The following THUMPD2 variants were observed in gnomAD, a reference collection of about 807,000 sequenced individuals.
THUMPD2 encodes U6 snRNA (guanine-N(2))-methyltransferase THUMPD2.
Under a neutral mutation model 49.4 loss-of-function variants are expected in THUMPD2, and 56 were observed. The observed-to-expected ratio is 1.13, with a 90% CI of 0.91 to 1.41. THUMPD2 has a LOEUF of 1.41. THUMPD2 is among the 40% of genes most tolerant of loss of function. THUMPD2 has a pLI of 0.00. For synonymous variants in THUMPD2, 237 were observed against 205.2 expected (o/e 1.15, Z -1.32); for missense variants, 709 against 594.5 (o/e 1.19, Z -2.00).
At chr2:39,766,017 A>G (rs779706991) in intron 5 of THUMPD2, 40 bp downstream of exon 5, 3 of 1,501,410 alleles carry the variant, frequency 2.0e-6, no homozygotes, top group Non-Finnish European at 1.8e-6. Context: ...TAATTTAACC[A>G]TCTGTCTTAT....
intron 5 of THUMPD2, among the ~76,000 whole-genome samples, chr2:39,763,431 T>C (rs929187651): frequency 6.6e-6 from 1 of 152,186 alleles, no homozygotes; most frequent in Non-Finnish European, 1.5e-5. Context: ...CTCTTCAGTC[T>C]ACACTTGTCA....
At chr2:39,742,297 A>G (rs1673995151) in intron 9 of THUMPD2, among the ~76,000 whole-genome samples, 1 of 152,168 alleles carries the variant, frequency 6.6e-6, no homozygotes, top group Non-Finnish European at 1.5e-5. Context: ...TACACTTTAA[A>G]CTGGTCCCAC....
At chr2:39,774,516 T>G (rs571460740) in intron 1 of THUMPD2, among the ~76,000 whole-genome samples, 1 of 152,180 alleles carries the variant, frequency 6.6e-6, no homozygotes, top group Non-Finnish European at 1.5e-5. Flanking sequence ...GAGGACTTAC[T>G]GTAGTTTAAT....
chr2:39,757,809 TA>T (rs1676337038), intron 6 of THUMPD2, among the ~76,000 whole-genome samples: 3 of 152,236 alleles, frequency 2.0e-5, no homozygotes, highest in Admixed American at 1.3e-4. Flanking sequence ...ATCCCATTTT[TA>T]AATTTCATTT....
Position 39,736,516 on chromosome 2 carries a change from A to C in THUMPD2, c.*219T>G. On this transcript the variant is annotated 3_prime_UTR_variant, in exon 10 of 10. Transcript: ENST00000505747. ...TGACAGAAGATAAAACTTAAGTCTA[A>C]AAAATATTCGATAACTTTTTTCTCA... 2 of 420,816 alleles carry C rather than the reference A, an allele frequency of 4.8e-6. No homozygotes were observed. Among genetic ancestry groups the C allele is most frequent in the Non-Finnish European group, 8.4e-6 (2 of 239,466 alleles). 26.1% of individuals were successfully genotyped at this position (420,816 alleles called of 1,614,324 possible).
Position 39,772,884 on chromosome 2 carries a change from C to T in THUMPD2, c.127-1244G>A, listed in dbSNP as rs192139764. 2.6e-5 allele frequency among the ~76,000 whole-genome samples: 4 copies of T among 152,240 alleles called. No homozygotes were observed. In the East Asian group the frequency reaches 7.7e-4, roughly 29 times the overall value. On this transcript the variant is annotated intron_variant, in intron 1 of 9. Coordinates refer to ENST00000505747, the MANE Select transcript of THUMPD2 (RefSeq NM_025264.5). ...GGATCTGTCAAGATCTAATTAAGCTCTTGGAATGGTAATTTCTGGGGTTGC... is the reference window on the plus strand; with the variant it reads ...GGATCTGTCAAGATCTAATTAAGCTTTTGGAATGGTAATTTCTGGGGTTGC...
At position 39,779,155 on chromosome 2, in the gene THUMPD2, A is replaced by G. The variant is rs1487535761; in HGVS notation, c.85T>C (p.Phe29Leu). Residue 29 changes from phenylalanine (F) to leucine (L), a missense_variant, in exon 1 of 10, where the codon TTC becomes CTC. By Grantham distance (22) the Phe-to-Leu change is conservative (BLOSUM62 0). Coordinates refer to ENST00000505747, the MANE Select transcript of THUMPD2 (RefSeq NM_025264.5). Reference protein sequence around the residue: ...FCTAGRGLEPFVMREVRARLA... With the variant: ...FCTAGRGLEPLVMREVRARLA... ...CGCGCCCGCACCTCTCGCATTACGA[A>G]CGGCTCCAGGCCGCGACCCGCAGTG... 3.3e-6 allele frequency: 5 copies of G among 1,519,396 alleles called. No individual in the cohort carries two copies. The highest frequency in any genetic ancestry group is 1.2e-5 in the South Asian group (1 of 81,580). 94.1% of individuals were successfully genotyped at this position (1,519,396 alleles called of 1,614,324 possible).
rs142656149 is a variant in THUMPD2 at position 39,753,411 on chromosome 2, T to C, written c.1078+1884A>G. Among the ~76,000 whole-genome samples, 858 of 152,252 alleles carry C rather than the reference T, an allele frequency of 5.6e-3. 6 individuals carry two copies. Among genetic ancestry groups the C allele is most frequent in the African/African-American group, 0.02 (822 of 41,546 alleles). ...CTCACCTTCCAGAAGTCCAAGCATC[T>C]GAGTACTCCAAGGTTCAGTCCCCTT... On this transcript the variant is annotated intron_variant, in intron 8 of 9. Transcript: ENST00000505747.
chr2:39,765,319 C>A (rs1264015660), intron 5 of THUMPD2, among the ~76,000 whole-genome samples: 1 of 151,990 alleles, frequency 6.6e-6, no homozygotes, highest in Non-Finnish European at 1.5e-5. Context: ...GCTACCATAC[C>A]CAGTTAATTT....
chr2:39,738,557 C>T (rs990966893), intron 9 of THUMPD2, among the ~76,000 whole-genome samples: 1 of 149,172 alleles, frequency 6.7e-6, no homozygotes, highest in African/African-American at 2.5e-5. Flanking sequence ...GAGAGAGACC[C>T]TGTCTTTAAA....
At chr2:39,772,997 C>G (rs1242894110) in intron 1 of THUMPD2, among the ~76,000 whole-genome samples, 1 of 152,024 alleles carries the variant, frequency 6.6e-6, no homozygotes, top group Non-Finnish European at 1.5e-5. Context: ...AAAGCACTGA[C>G]CAAAATAGAT....
At chr2:39,742,032 A>G (rs1229605866) in intron 9 of THUMPD2, among the ~76,000 whole-genome samples, 1 of 152,214 alleles carries the variant, frequency 6.6e-6, no homozygotes, top group African/African-American at 2.4e-5. Context: ...GAACAATGCC[A>G]TTAAGTGGGT....
Position 39,779,222 on chromosome 2 carries a change from T to G in THUMPD2, c.18A>C (p.Gly6=). Residue 6 remains glycine, a synonymous_variant, in exon 1 of 10, where the codon GGA becomes GGC. Coordinates refer to ENST00000505747, the MANE Select transcript of THUMPD2 (RefSeq NM_025264.5). ...CAGCCTCAGGCCCGGACCCTGGCTC[T>G]CCACGCGCCTCCGACATGGCGGCTC... MSEAR[G]EPGSGPEAGA... is the part of the protein sequence containing the mutation. 11 of 1,498,332 alleles carry G rather than the reference T, an allele frequency of 7.3e-6. No individual in the cohort carries two copies. Among genetic ancestry groups the G allele is most frequent in the Non-Finnish European group, 9.7e-6 (11 of 1,130,142 alleles). 92.8% of individuals were successfully genotyped at this position (1,498,332 alleles called of 1,614,324 possible). A position where few individuals can be genotyped will look rare whatever the true frequency, so the allele number is the denominator to read the frequency against.
chr2:39,773,765 A>C (rs569941218), intron 1 of THUMPD2, among the ~76,000 whole-genome samples: 1 of 151,908 alleles, frequency 6.6e-6, no homozygotes, highest in African/African-American at 2.4e-5. Flanking sequence ...GTAAAATGCC[A>C]AATACATTCT....
chr2:39,759,924 A>C (rs564250718), intron 6 of THUMPD2, among the ~76,000 whole-genome samples: 1 of 152,236 alleles, frequency 6.6e-6, no homozygotes, highest in Non-Finnish European at 1.5e-5. Context: ...TACCCAAGCA[A>C]TAAGTAAACC....
chr2:39,739,947 C>G (rs1422280108), intron 9 of THUMPD2, among the ~76,000 whole-genome samples: 3 of 152,114 alleles, frequency 2.0e-5, no homozygotes, highest in Admixed American at 6.5e-5. Flanking sequence ...AATCTCACTT[C>G]TAGGAAATTA....
At chr2:39,766,167 G>A in intron 4 of THUMPD2, 58 bp from the exon 5 acceptor site, 2 of 1,278,260 alleles carry the variant, frequency 1.6e-6, no homozygotes, top group Non-Finnish European at 1.1e-6. Flanking sequence ...CCAAATTACT[G>A]ACAATTTGAA....
At chr2:39,748,665 C>A (rs1488611057) in intron 8 of THUMPD2, among the ~76,000 whole-genome samples, 1 of 150,898 alleles carries the variant, frequency 6.6e-6, no homozygotes, top group African/African-American at 2.4e-5. Flanking sequence ...TCCAGCCTGG[C>A]GACAGAGTGA....
At position 39,736,762 on chromosome 2, in the gene THUMPD2, A is replaced by T; in HGVS notation, c.1485T>A (p.Tyr495Ter). Residue 495 changes from tyrosine (Y) to a stop codon, truncating the protein, a stop_gained, in exon 10 of 10, where the codon TAT (tyrosine) becomes TAA (stop). Coordinates refer to ENST00000505747, the MANE Select transcript of THUMPD2 (RefSeq NM_025264.5). LOFTEE classifies it high-confidence loss of function. ...LGKTDAFICK[Y>*]KKSHSSGL ...ACAGTCCAGAAGAGTGCGACTTCTT[A>T]TATTTACATATGAACGCATCTGTCT... The T allele has an allele frequency of 6.2e-7, 1 of 1,614,024 alleles. No individual in the cohort carries two copies. The highest frequency in any genetic ancestry group is 8.5e-7 in the Non-Finnish European group (1 of 1,179,984).
Sources: gnomAD v4.1 joint callset for allele counts (sites outside exome capture counted in the v4.1 genomes callset) on GRCh38, gnomAD v4.1.1 for gene constraint, MANE v1.5 for transcripts, NCBI Gene and HGNC (gene_info 2026-07-23, HGNC 2026-07-21) for gene names.